IQGAP3: variants seen among roughly 807,000 people sequenced by gnomAD.
IQGAP3 encodes the protein ras GTPase-activating-like protein IQGAP3.
Under a neutral mutation model 208.2 loss-of-function variants are expected in IQGAP3, and 165 were observed. The observed-to-expected ratio is 0.79, with a 90% CI of 0.70 to 0.90. The LOEUF is 0.90. IQGAP3 is among the 40% of genes least tolerant of loss of function. The probability of loss-of-function intolerance (pLI) is 0.00; values close to 1 mark genes in which losing one functional copy is unlikely to be tolerated. For missense variants in IQGAP3, 1,811 were observed against 2,043.1 expected (o/e 0.89, Z 2.19); for synonymous variants, 703 against 803.6 (o/e 0.87, Z 2.12).
intron 36 of IQGAP3, 48 bp downstream of exon 36, chr1:156,528,461 G>A: frequency 7.0e-7 from 1 of 1,419,300 alleles, no homozygotes; most frequent in Admixed American, 1.7e-5. Context: ...CCACCCCCAG[G>A]TTAGAGGACA....
chr1:156,572,536 CCTTCT>C lies in IQGAP3; in HGVS notation c.-12_-8del. The C allele has an allele frequency of 6.2e-7, 1 of 1,612,986 alleles. No individual in the cohort carries two copies. The highest frequency in any genetic ancestry group is 8.5e-7 in the Non-Finnish European group (1 of 1,179,968). ...CCGCTGCTCTCCTCTCCATGTTCCTCCTTCTTCCAGGTTTGAATCTCCCGCCGTTG... is the reference window on the plus strand; with the variant it reads ...CCGCTGCTCTCCTCTCCATGTTCCTCTCCAGGTTTGAATCTCCCGCCGTTG... On this transcript the variant is annotated 5_prime_UTR_variant, in exon 1 of 38. Transcript: ENST00000361170.
At position 156,539,910 on chromosome 1, in the gene IQGAP3, C is replaced by T. The variant is rs1674893691; in HGVS notation, c.2820G>A (p.Lys940=). Residue 940 remains lysine, a synonymous_variant, in exon 24 of 38, where the codon AAG becomes AAA. Coordinates refer to ENST00000361170, the MANE Select transcript of IQGAP3 (RefSeq NM_178229.5). ...LSDMMVLDKQ[K]GLKSLSKEKR... ...TCTCTTTGCTCAGCGACTTTAAACC[C>T]TTCTGCTTGTCCAGAACCATCATAT... is the stretch of plus-strand genomic sequence containing the variant. 1.9e-6 allele frequency: 3 copies of T among 1,614,124 alleles called. No individual in the cohort carries two copies. The highest frequency in any genetic ancestry group is 4.5e-5 in the East Asian group (2 of 44,868).
chr1:156,554,424 G>A (rs373982353), intron 12 of IQGAP3, 32 bp from the exon 13 acceptor site: 3 of 1,571,378 alleles, frequency 1.9e-6, no homozygotes, highest in Non-Finnish European at 1.7e-6. Flanking sequence ...ATTCCCAAGT[G>A]GGCAGGTGAA....
rs115130243 is a variant in IQGAP3, at chr1:156,543,716, C to G, written c.2530+265G>C. Among the ~76,000 whole-genome samples, 969 of 152,308 alleles carry G rather than the reference C, an allele frequency of 6.4e-3. 8 individuals are homozygous for G. Among genetic ancestry groups the G allele is most frequent in the African/African-American group, 0.022 (919 of 41,562 alleles). ...GAAAAGAAGCAAGATCCTTTTCTTT[C>G]TGCTTTGGTGGTAGCAATAGGCAGA... On this transcript the variant is annotated intron_variant, in intron 22 of 37. Coordinates refer to ENST00000361170, the MANE Select transcript of IQGAP3 (RefSeq NM_178229.5).
chr1:156,552,897 G>C (rs557706225), intron 13 of IQGAP3, among the ~76,000 whole-genome samples: 2 of 152,192 alleles, frequency 1.3e-5, no homozygotes, highest in African/African-American at 4.8e-5. Flanking sequence ...AACGTACAGA[G>C]ATCCTATCTC....
intron 13 of IQGAP3, 107 bp from the exon 14 acceptor site, chr1:156,552,202 A>C: frequency 7.5e-7 from 1 of 1,334,702 alleles, no homozygotes; most frequent in Non-Finnish European, 1.0e-6. Flanking sequence ...AGGACACCAC[A>C]CTCTTTTAGT....
In IQGAP3 at chr1:156,544,025, GC is replaced by G. The variant is rs1248879449; in HGVS notation, c.2485del (p.Ala829HisfsTer15). 1.2e-6 allele frequency: 2 copies of G among 1,614,194 alleles called. No individual in the cohort carries two copies. Among genetic ancestry groups the G allele is most frequent in the Non-Finnish European group, 8.5e-7 (1 of 1,180,020 alleles). ...TTGGGCTTTCCTGGCTCGGAAAAAT[GC>G]CTGGATCTTCACAATGGAGTTAACC... The part of the protein sequence containing the change: ...KNVNSIVKIQ[A>X]FFRARKAQDD... On this transcript the variant is annotated frameshift_variant, in exon 22 of 38. Coordinates refer to ENST00000361170, the MANE Select transcript of IQGAP3 (RefSeq NM_178229.5). LOFTEE classifies it high-confidence loss of function.
intron 36 of IQGAP3, 145 bp from the exon 37 acceptor site, chr1:156,528,205 C>A: frequency 1.5e-6 from 1 of 662,570 alleles, no homozygotes; most frequent in South Asian, 1.8e-5. Context: ...GCCCAGCTCG[C>A]TGTCTTCTCC....
rs1169161150 is a variant in IQGAP3 at position 156,548,191 on chromosome 1, G to A, written c.2186C>T (p.Ala729Val). Residue 729 changes from alanine to valine, a missense_variant, in exon 19 of 38, where the codon GCC (alanine) becomes GTC (valine). Transcript: ENST00000361170. ...AAYDRQQLWKANVGFVIQLQA... is the reference protein window; with the variant it reads ...AAYDRQQLWKVNVGFVIQLQA... ...GAGCTGGATAACAAAGCCGACGTTG[G>A]CTTTCCAGAGCTGTTGGCGGTCATA... The A allele has an allele frequency of 1.9e-6, 3 of 1,614,154 alleles. No individual in the cohort carries two copies. Among genetic ancestry groups the A allele is most frequent in the Non-Finnish European group, 2.5e-6 (3 of 1,180,024 alleles).
chr1:156,528,957 C>A lies in IQGAP3; in HGVS notation c.4530G>T (p.Gln1510His), dbSNP rs759460179. The A allele has an allele frequency of 6.2e-7, 1 of 1,614,238 alleles. No homozygotes were observed. Among genetic ancestry groups the A allele is most frequent in the South Asian group, 1.1e-5 (1 of 91,090 alleles). Reference protein sequence around the residue: ...FYEEQGDYYSQYIRACLDHLA... With the variant: ...FYEEQGDYYSHYIRACLDHLA... ...GGTGGTCCAGGCAGGCCCGGATGTA[C>A]TGGCTGTAGTAGTCACCCTGCTCCT... Residue 1510 changes from glutamine to histidine, a missense_variant, in exon 35 of 38, where the codon CAG becomes CAT. By Grantham distance (24) the Gln-to-His change is conservative (BLOSUM62 0). Coordinates refer to ENST00000361170, the MANE Select transcript of IQGAP3 (RefSeq NM_178229.5).
chr1:156,528,557 A>G lies in IQGAP3; in HGVS notation c.4625T>C (p.Leu1542Pro). The G allele has an allele frequency of 3.1e-6, 5 of 1,614,066 alleles. No homozygotes were observed. Among genetic ancestry groups the G allele is most frequent in the Non-Finnish European group, 4.2e-6 (5 of 1,179,978 alleles). Residue 1542 changes from leucine to proline, a missense_variant, in exon 36 of 38, where the codon CTC (leucine) becomes CCC (proline). Transcript: ENST00000361170. ...TTCCACCAAGACACCCTTTTCCAGGAGCTGAGCAGCAGTGTAATGAAGAGA... is the reference window on the plus strand; with the variant it reads ...TTCCACCAAGACACCCTTTTCCAGGGGCTGAGCAGCAGTGTAATGAAGAGA... ...QPSLHYTAAQ[L>P]LEKGVLVEIE...
rs1437678765 is a variant in IQGAP3, at chr1:156,562,578, G to T, written c.877+9C>A. 1 of 1,612,150 alleles carries T rather than the reference G, an allele frequency of 6.2e-7. No individual in the cohort carries two copies. The highest frequency in any genetic ancestry group is 1.1e-5 in the South Asian group (1 of 91,026). The stretch of plus-strand genomic sequence containing the variant: ...CACCCCCAAACCACTCCTGCTCGAG[G>T]TCTCTTACCGTTGACATGGTTGATA... On this transcript the variant is annotated intron_variant, in intron 9 of 37. Transcript: ENST00000361170.
At chr1:156,527,038 G>A (rs41267375) in intron 37 of IQGAP3, among the ~76,000 whole-genome samples, 5,773 of 151,142 alleles carry the variant, frequency 0.038, 125 homozygotes, top group Middle Eastern at 0.12. Flanking sequence ...TCACTATATT[G>A]GCCAGGCTGG....
rs146347973 is a variant in IQGAP3, at chr1:156,563,605, G to A, written c.567C>T (p.Phe189=). ...LAKYGLQLPA[F]SKIGGILANE... is the part of the protein sequence containing the mutation. ...TGGCCAAGATGCCCCCGATCTTGCT[G>A]AAGGCAGGCAGCTGGAGGCCATATT... The change falls in exon 7 of 38, where the codon TTC becomes TTT. Residue 189 remains phenylalanine, a synonymous_variant. Coordinates refer to ENST00000361170, the MANE Select transcript of IQGAP3 (RefSeq NM_178229.5). 665 of 1,613,198 alleles carry A rather than the reference G, an allele frequency of 4.1e-4. No individual in the cohort carries two copies. The highest frequency in any genetic ancestry group is 5.1e-4 in the Non-Finnish European group (606 of 1,179,714).
rs768384726 is a variant in IQGAP3 at position 156,528,535 on chromosome 1, C to T, written c.4647G>A (p.Val1549=). The T allele has an allele frequency of 3.1e-6, 5 of 1,613,928 alleles. No homozygotes were observed. In the Admixed American group the frequency reaches 6.7e-5, roughly 22 times the overall value. Residue 1549 remains valine (V), a synonymous_variant, in exon 36 of 38, where the codon GTG becomes GTA. Coordinates refer to ENST00000361170, the MANE Select transcript of IQGAP3 (RefSeq NM_178229.5). ...GAGAGGCGGGAAGATCTTCAATTTCCACCAAGACACCCTTTTCCAGGAGCT... is the reference window on the plus strand; with the variant it reads ...GAGAGGCGGGAAGATCTTCAATTTCTACCAAGACACCCTTTTCCAGGAGCT... ...AAQLLEKGVL[V]EIEDLPASHF... is the part of the protein sequence containing the mutation.
intron 9 of IQGAP3, among the ~76,000 whole-genome samples, chr1:156,562,244 G>A (rs1374120794): frequency 6.6e-6 from 1 of 151,824 alleles, no homozygotes; most frequent in African/African-American, 2.4e-5. Flanking sequence ...CACCCATCCT[G>A]AGCCTTCACA....
At position 156,538,918 on chromosome 1, in the gene IQGAP3, T is replaced by G. The variant is rs774723919; in HGVS notation, c.3172A>C (p.Lys1058Gln). The change falls in exon 26 of 38, where the codon AAG (lysine) becomes CAG (glutamine). Residue 1058 changes from lysine to glutamine, a missense_variant. By Grantham distance (53) the Lys-to-Gln change is moderately conservative (BLOSUM62 1). Coordinates refer to ENST00000361170, the MANE Select transcript of IQGAP3 (RefSeq NM_178229.5). ...GQSALQEILG[K>Q]VIQDVLEDKV... is the part of the protein sequence containing the mutation. ...TCTTCTAGCACATCCTGGATAACCTTGCCCAGAATCTCCTGCAGGGCACTC... is the reference window on the plus strand; with the variant it reads ...TCTTCTAGCACATCCTGGATAACCTGGCCCAGAATCTCCTGCAGGGCACTC... 1 of 1,614,204 alleles carries G rather than the reference T, an allele frequency of 6.2e-7. No individual in the cohort carries two copies. The highest frequency in any genetic ancestry group is 8.5e-7 in the Non-Finnish European group (1 of 1,180,012).
chr1:156,562,711 C>A, intron 8 of IQGAP3, 46 bp from the exon 9 acceptor site: 7 of 1,474,920 alleles, frequency 4.7e-6, no homozygotes, highest in Non-Finnish European at 6.6e-6. Context: ...CCAATTTAAT[C>A]TCCTTGTCCT....
intron 22 of IQGAP3, among the ~76,000 whole-genome samples, chr1:156,542,041 T>C (rs1232392297): frequency 6.6e-6 from 1 of 152,096 alleles, no homozygotes; most frequent in African/African-American, 2.4e-5. Context: ...AGGGAAAGGC[T>C]GGATCACAAA....
Sources: allele counts gnomAD v4.1 joint callset (sites outside exome capture counted in the v4.1 genomes callset), GRCh38; gene constraint gnomAD v4.1.1; transcripts MANE v1.5; gene names NCBI Gene and HGNC (gene_info 2026-07-23, HGNC 2026-07-21).